The following RBM46 variants were observed in gnomAD, a reference collection of about 807,000 sequenced individuals.
RBM46 encodes the protein RNA binding motif protein 46, also known as probable RNA-binding protein 46.
Under a neutral mutation model 43.3 loss-of-function variants are expected in RBM46, and 12 were observed. The ratio of observed to expected loss-of-function variants is 0.28; its 90% CI spans 0.18 to 0.45. The LOEUF is 0.45. RBM46 is among the 20% of genes least tolerant of loss of function. RBM46 has a pLI of 1.00. For synonymous variants in RBM46, 205 were observed against 207.6 expected (o/e 0.99, Z 0.11); for missense variants, 412 against 639.1 (o/e 0.64, Z 3.83).
chr4:154,799,900 C>T (rs764262567), intron 4 of RBM46, among the ~76,000 whole-genome samples: 1 of 152,002 alleles, frequency 6.6e-6, no homozygotes, highest in Non-Finnish European at 1.5e-5. Context: ...GCTGGGACTA[C>T]AGGCACGTGC....
chr4:154,806,294 A>G (rs764443398), intron 4 of RBM46, among the ~76,000 whole-genome samples: 1 of 151,924 alleles, frequency 6.6e-6, no homozygotes, highest in African/African-American at 2.4e-5. Context: ...GAATAAAAGT[A>G]TAAGAATTGA....
At chr4:154,791,216 A>G (rs1734074056) in intron 1 of RBM46, among the ~76,000 whole-genome samples, 1 of 152,224 alleles carries the variant, frequency 6.6e-6, no homozygotes, top group African/African-American at 2.4e-5. Flanking sequence ...GGCCTTAAAT[A>G]TGCAGATGAT....
chr4:154,811,972 C>T (rs922643366), intron 4 of RBM46, among the ~76,000 whole-genome samples: 38 of 151,538 alleles, frequency 2.5e-4, no homozygotes, highest in African/African-American at 7.0e-4. Flanking sequence ...TGAATGAGCA[C>T]GCCTGGCCTG....
chr4:154,821,907 T>C (rs1735738343), intron 4 of RBM46, among the ~76,000 whole-genome samples: 2 of 151,798 alleles, frequency 1.3e-5, no homozygotes, highest in South Asian at 4.1e-4. Context: ...CCTAGGTAAT[T>C]GAGGTAGCAA....
At chr4:154,805,793 A>G (rs879640358) in intron 4 of RBM46, among the ~76,000 whole-genome samples, 23 of 151,976 alleles carry the variant, frequency 1.5e-4, no homozygotes, top group Non-Finnish European at 3.1e-4. Context: ...AAATAATTCT[A>G]GGAGGCACTT....
At chr4:154,807,993 A>G (rs1161355803) in intron 4 of RBM46, among the ~76,000 whole-genome samples, 1 of 151,996 alleles carries the variant, frequency 6.6e-6, no homozygotes, top group Non-Finnish European at 1.5e-5. Context: ...TTGCCTATAC[A>G]TTGCTTTGAT....
At chr4:154,782,116 C>T (rs1487573658) in intron 1 of RBM46, among the ~76,000 whole-genome samples, 2 of 152,210 alleles carry the variant, frequency 1.3e-5, no homozygotes, top group African/African-American at 4.8e-5. Flanking sequence ...GCCGCGGGTG[C>T]ACAGGGAAGA....
At chr4:154,811,027 T>C (rs1408689694) in intron 4 of RBM46, among the ~76,000 whole-genome samples, 1 of 152,228 alleles carries the variant, frequency 6.6e-6, no homozygotes, top group South Asian at 2.1e-4. Flanking sequence ...TGTAAAGTTA[T>C]GAGGATCACT....
chr4:154,788,488 G>A (rs997683373), intron 1 of RBM46, among the ~76,000 whole-genome samples: 1 of 152,196 alleles, frequency 6.6e-6, no homozygotes, highest in African/African-American at 2.4e-5. Context: ...TCAAAGATCA[G>A]ATGGTTGTAG....
At chr4:154,804,414 A>G (rs373362357) in intron 4 of RBM46, among the ~76,000 whole-genome samples, 2 of 152,074 alleles carry the variant, frequency 1.3e-5, no homozygotes, top group African/African-American at 2.4e-5. Flanking sequence ...CTAAAAGTCA[A>G]CTCTGTTTTG....
At chr4:154,811,482 A>G (rs992096813) in intron 4 of RBM46, among the ~76,000 whole-genome samples, 3 of 152,200 alleles carry the variant, frequency 2.0e-5, no homozygotes, top group African/African-American at 7.2e-5. Context: ...ACTAAGTACC[A>G]TGTAAATAGT....
intron 1 of RBM46, among the ~76,000 whole-genome samples, chr4:154,783,263 T>C (rs1381031602): frequency 6.6e-6 from 1 of 152,202 alleles, no homozygotes; most frequent in African/African-American, 2.4e-5. Context: ...TATTGCCAAA[T>C]ATAATACATA....
At chr4:154,803,686 G>A (rs920232775) in intron 4 of RBM46, among the ~76,000 whole-genome samples, 1 of 105,172 alleles carries the variant, frequency 9.5e-6, no homozygotes, top group Non-Finnish European at 1.7e-5. Context: ...CTGGGCAACA[G>A]AGCCAGACTA....
chr4:154,814,200 G>A (rs1412683268), intron 4 of RBM46, among the ~76,000 whole-genome samples: 1 of 151,906 alleles, frequency 6.6e-6, no homozygotes, highest in Non-Finnish European at 1.5e-5. Flanking sequence ...CAGAGAGGTG[G>A]TAAAGATCCT....
Position 154,799,069 on chromosome 4 carries a change from G to C in RBM46, c.907G>C (p.Val303Leu). The change falls in exon 4 of 5, where the codon GTA becomes CTA. Residue 303 changes from valine (V) to leucine (L), a missense_variant. By Grantham distance (32) the Val-to-Leu change is conservative. This residue lies in a region of RBM46 where 105 missense variants were observed against 111.0 expected (regional missense o/e 0.95). Transcript: ENST00000281722. Reference protein sequence around the residue: ...GKCIDGASIEVTLAKPVNKEN... With the variant: ...GKCIDGASIELTLAKPVNKEN... ...ATGCATTGATGGAGCAAGTATTGAG[G>C]TAACACTAGCTAAACCAGTAAATAA... The C allele has an allele frequency of 8.1e-6, 13 of 1,614,016 alleles. No individual in the cohort carries two copies. The highest frequency in any genetic ancestry group is 1.1e-5 in the Non-Finnish European group (13 of 1,179,956).
chr4:154,813,098 A>G (rs1735261002), intron 4 of RBM46, among the ~76,000 whole-genome samples: 2 of 142,136 alleles, frequency 1.4e-5, no homozygotes, highest in African/African-American at 2.5e-5. Flanking sequence ...TGCTTTCCAA[A>G]TAATTTAAAG....
intron 4 of RBM46, among the ~76,000 whole-genome samples, chr4:154,802,280 G>T (rs1488613604): frequency 1.3e-5 from 2 of 152,168 alleles, no homozygotes; most frequent in East Asian, 3.8e-4. Flanking sequence ...AGAAGAGCCA[G>T]AGATCAGGGG....
intron 4 of RBM46, chr4:154,827,362 A>G: frequency 1.3e-5 from 13 of 981,128 alleles, no homozygotes; most frequent in Non-Finnish European, 1.6e-5. Flanking sequence ...AAGTGTTTAT[A>G]TTAGTATTTA....
intron 1 of RBM46, among the ~76,000 whole-genome samples, chr4:154,788,193 A>G (rs2111094435): frequency 6.6e-6 from 1 of 152,280 alleles, no homozygotes; most frequent in Non-Finnish European, 1.5e-5. Context: ...TAGTTTAATT[A>G]GATCCCATTT....
Sources: allele counts gnomAD v4.1 joint callset (sites outside exome capture counted in the v4.1 genomes callset), GRCh38; gene constraint gnomAD v4.1.1; regional missense constraint gnomAD v4.1.1; transcripts MANE v1.5; gene names NCBI Gene and HGNC (gene_info 2026-07-23, HGNC 2026-07-21).